The following PGR variants were observed in gnomAD, a reference collection of about 807,000 sequenced individuals.
PGR encodes progesterone receptor.
A neutral mutation model predicts 76.1 loss-of-function variants in PGR; 25 were observed. The observed-to-expected ratio is 0.33, with a 90% CI of 0.24 to 0.46. The LOEUF (loss-of-function observed/expected upper bound fraction) is 0.46. Ranked by LOEUF, PGR falls within the 20% of genes least tolerant of loss-of-function variation. The pLI, the probability that PGR is intolerant of heterozygous loss-of-function variation, is 1.00. For missense variants in PGR, 1,172 were observed against 1,225.3 expected (o/e 0.96, Z 0.65); for synonymous variants, 579 against 535.0 (o/e 1.08, Z -1.14).
chr11:101,090,138 C>T (rs1452198075), intron 3 of PGR, among the ~76,000 whole-genome samples: 1 of 152,022 alleles, frequency 6.6e-6, no homozygotes, highest in Admixed American at 6.5e-5. Context: ...GCAGAGGTTG[C>T]AGTGAGCCAA....
rs1863028241 is a variant in PGR, at chr11:101,129,396, C to T, written c.-326G>A. 3.1e-6 allele frequency: 1 copy of T among 322,900 alleles called. No homozygotes were observed. The highest frequency in any genetic ancestry group is 5.7e-6 in the Non-Finnish European group (1 of 175,824). 20.0% of individuals were successfully genotyped at this position (322,900 alleles called of 1,614,324 possible). On this transcript the variant is annotated 5_prime_UTR_variant, in exon 1 of 8. Coordinates refer to ENST00000325455, the MANE Select transcript of PGR (RefSeq NM_000926.4). The stretch of plus-strand genomic sequence containing the variant: ...GTTCTCCAAGAGAGTTCTCCAACTT[C>T]TGTCCGAGGACTGGAGACGCAGAGT...
At chr11:101,075,633 C>CA (rs774519726) in intron 3 of PGR, among the ~76,000 whole-genome samples, 2 of 141,390 alleles carry the variant, frequency 1.4e-5, no homozygotes, top group South Asian at 2.2e-4. Context: ...AAAAAAAAAA[C>CA]AAAAAACAAC....
chr11:101,088,858 A>G (rs185067535), intron 3 of PGR, among the ~76,000 whole-genome samples: 55 of 152,350 alleles, frequency 3.6e-4, no homozygotes, highest in African/African-American at 1.3e-3. Context: ...CAGCCATGAA[A>G]AGAACGAAGT....
chr11:101,052,955 C>T (rs1388425251), intron 4 of PGR, among the ~76,000 whole-genome samples: 1 of 152,082 alleles, frequency 6.6e-6, no homozygotes, highest in African/African-American at 2.4e-5. Context: ...CAGGGGTCAA[C>T]ATCCTGGTAT....
intron 4 of PGR, among the ~76,000 whole-genome samples, chr11:101,054,950 T>C (rs1159743212): frequency 4.0e-5 from 6 of 151,724 alleles, no homozygotes; most frequent in African/African-American, 1.5e-4. Flanking sequence ...TAAAAAAAAG[T>C]GTTAGGAGGC....
intron 3 of PGR, among the ~76,000 whole-genome samples, chr11:101,090,853 C>G (rs1382826940): frequency 6.6e-6 from 1 of 152,176 alleles, no homozygotes; most frequent in African/African-American, 2.4e-5. Flanking sequence ...AATGAGGTGA[C>G]AGTTGTATAC....
chr11:101,086,889 G>T (rs1466230561), intron 3 of PGR, among the ~76,000 whole-genome samples: 1 of 146,336 alleles, frequency 6.8e-6, no homozygotes, highest in African/African-American at 2.5e-5. Context: ...GCAGATGAAA[G>T]ATTTCTACAT....
chr11:101,038,455 C>T lies in PGR; in HGVS notation c.*661G>A, dbSNP rs11224563. The stretch of plus-strand genomic sequence containing the variant: ...CCTACAAAACCCACAATACTATTTG[C>T]ATAATGATATGAATCTACTTATTAA... On this transcript the variant is annotated 3_prime_UTR_variant, in exon 8 of 8. Coordinates refer to ENST00000325455, the MANE Select transcript of PGR (RefSeq NM_000926.4). The T allele has an allele frequency of 0.12, 27,225 of 224,558 alleles. 2,111 individuals are homozygous for T. Among genetic ancestry groups the T allele is most frequent in the Non-Finnish European group, 0.16 (17,968 of 112,604 alleles). 13.9% of individuals were successfully genotyped at this position (224,558 alleles called of 1,614,324 possible). A position where few individuals can be genotyped will look rare whatever the true frequency, so the allele number is the denominator to read the frequency against.
At chr11:101,124,696 T>C (rs509188) in intron 2 of PGR, among the ~76,000 whole-genome samples, 38,309 of 152,030 alleles carry the variant, frequency 0.25, 5,796 homozygotes, top group Non-Finnish European at 0.35. Flanking sequence ...CAATTACCCA[T>C]TGGAAAACTG....
rs931055058 is a variant in PGR at position 101,032,806 on chromosome 11, A to T, written c.*6310T>A. 2.6e-5 allele frequency: 5 copies of T among 191,246 alleles called. No individual in the cohort carries two copies. Among genetic ancestry groups the T allele is most frequent in the Admixed American group, 2.5e-4 (4 of 16,272 alleles). 11.8% of individuals were successfully genotyped at this position (191,246 alleles called of 1,614,324 possible). A position where few individuals can be genotyped will look rare whatever the true frequency, so the allele number is the denominator to read the frequency against. ...ATCTGTTTACCTGTCTTTATTCCCC[A>T]TCCAACTCTAAGCTCGGAGAAGACG... On this transcript the variant is annotated 3_prime_UTR_variant, in exon 8 of 8. Transcript: ENST00000325455.
chr11:101,042,556 A>G (rs1234676213), intron 6 of PGR, among the ~76,000 whole-genome samples: 2 of 152,160 alleles, frequency 1.3e-5, no homozygotes, highest in Non-Finnish European at 1.5e-5. Flanking sequence ...TTTGCCATTA[A>G]GATTATTCCT....
intron 2 of PGR, among the ~76,000 whole-genome samples, chr11:101,102,863 TG>T (rs1217249113): frequency 3.0e-4 from 7 of 23,048 alleles, no homozygotes; most frequent in East Asian, 3.2e-3. Flanking sequence ...CAGTGAGGGG[TG>T]GGGGGGGTTG....
At chr11:101,100,085 C>T (rs973872153) in intron 2 of PGR, among the ~76,000 whole-genome samples, 5 of 152,134 alleles carry the variant, frequency 3.3e-5, no homozygotes, top group Non-Finnish European at 5.9e-5. Flanking sequence ...TATGGTTTGG[C>T]TTTGTGTCAC....
At chr11:101,046,292 ATTTTTTTTTTTTTTTTTTTTTTTTTTT>A (rs540943297) in intron 6 of PGR, among the ~76,000 whole-genome samples, 18 of 66,292 alleles carry the variant, frequency 2.7e-4, no homozygotes, top group Middle Eastern at 8.6e-3. Flanking sequence ...CGCCTGGCTA[ATTTTTTTTTTTTTTTTTTTTTTTTTTT>A]TTTTTTTTTT....
Position 101,080,057 on chromosome 11 carries a change from G to GCA in PGR, c.1906+11702_1906+11703insTG, listed in dbSNP as rs1411879798. ...CCCACTGGATTCTTCCTTGGCACTG[G>GCA]TGCTTGTGCTTGCCATCAGGGGACG... On this transcript the variant is annotated intron_variant, in intron 3 of 7. Coordinates refer to ENST00000325455, the MANE Select transcript of PGR (RefSeq NM_000926.4). 2.6e-5 allele frequency among the ~76,000 whole-genome samples: 4 copies of GCA among 152,284 alleles called. No individual in the cohort carries two copies. In the East Asian group the frequency reaches 7.7e-4, roughly 29 times the overall value.
intron 3 of PGR, among the ~76,000 whole-genome samples, chr11:101,090,514 G>A (rs1272575416): frequency 1.3e-5 from 2 of 152,198 alleles, no homozygotes. Context: ...GTGTGATTTT[G>A]TGAAAAAGTT....
intron 2 of PGR, among the ~76,000 whole-genome samples, chr11:101,100,915 A>G (rs1861978156): frequency 1.3e-5 from 2 of 152,178 alleles, no homozygotes; most frequent in South Asian, 2.1e-4. Flanking sequence ...GTATAAACTC[A>G]TGATCCCCTT....
At chr11:101,087,184 C>T (rs1293923374) in intron 3 of PGR, among the ~76,000 whole-genome samples, 1 of 152,182 alleles carries the variant, frequency 6.6e-6, no homozygotes, top group Non-Finnish European at 1.5e-5. Flanking sequence ...CCAAACTATA[C>T]TGTAAGGCTA....
At position 101,029,708 on chromosome 11, in the gene PGR, G is replaced by A. The variant is rs961496935; in HGVS notation, c.*9408C>T. The A allele has an allele frequency of 2.9e-5, 6 of 210,180 alleles. No homozygotes were observed. The highest frequency in any genetic ancestry group is 1.8e-4 in the Admixed American group (3 of 16,956). The allele number at this position is 210,180 out of a possible 1,614,324, so 13.0% of individuals were successfully genotyped here. ...AATATTTTTAAAGAAAACATTATGT[G>A]AAGATGATTCATTTCAAACCACCAG... is the stretch of plus-strand genomic sequence containing the variant. On this transcript the variant is annotated 3_prime_UTR_variant, in exon 8 of 8. Coordinates refer to ENST00000325455, the MANE Select transcript of PGR (RefSeq NM_000926.4).
Sources: gnomAD v4.1 joint callset for allele counts (sites outside exome capture counted in the v4.1 genomes callset) on GRCh38, gnomAD v4.1.1 for gene constraint, MANE v1.5 for transcripts, NCBI Gene and HGNC (gene_info 2026-07-23, HGNC 2026-07-21) for gene names.